Variants in CCDC69 observed in about 807,000 individuals in gnomAD.
CCDC69 encodes coiled-coil domain containing 69.
Under a neutral mutation model 40.3 loss-of-function variants are expected in CCDC69, and 38 were observed. The ratio of observed to expected loss-of-function variants is 0.94; its 90% CI spans 0.73 to 1.24. The LOEUF (loss-of-function observed/expected upper bound fraction) is 1.24, where lower values mean the gene tolerates loss of function less well. CCDC69 is among the 50% of genes most tolerant of loss of function. The pLI, the probability that CCDC69 is intolerant of heterozygous loss-of-function variation, is 0.00. For missense variants in CCDC69, 389 were observed against 357.9 expected (o/e 1.09, Z -0.70); for synonymous variants, 141 against 138.9 (o/e 1.02, Z -0.11).
chr5:151,195,072 T>G (rs1752679187), intron 4 of CCDC69, among the ~76,000 whole-genome samples: 1 of 152,162 alleles, frequency 6.6e-6, no homozygotes, highest in African/African-American at 2.4e-5. Flanking sequence ...CCTCTCCCCA[T>G]ACATATAAAA....
chr5:151,184,485 TG>T, intron 7 of CCDC69, 44 bp from the exon 8 acceptor site: 1 of 1,279,474 alleles, frequency 7.8e-7, no homozygotes, highest in Non-Finnish European at 1.1e-6. Flanking sequence ...AAACTCACGC[TG>T]CACGATGTGT....
chr5:151,189,907 G>T (rs574337860), intron 4 of CCDC69, among the ~76,000 whole-genome samples: 1 of 152,284 alleles, frequency 6.6e-6, no homozygotes, highest in Non-Finnish European at 1.5e-5. Context: ...GTTTGTTCTC[G>T]CTGATCTTTA....
Position 151,181,755 on chromosome 5 carries a change from A to G in CCDC69, c.*1682T>C, listed in dbSNP as rs1187867925. The G allele has an allele frequency of 5.9e-5, 9 of 152,258 alleles. No homozygotes were observed. Among genetic ancestry groups the G allele is most frequent in the African/African-American group, 1.7e-4 (7 of 41,454 alleles). The allele number at this position is 152,258 out of a possible 1,614,324, so 9.4% of individuals were successfully genotyped here. ...CCAATCATGTCTACTCCTGGACATTAGTTCAATAAACTAGTGTATCGCAGA... is the reference window on the plus strand; with the variant it reads ...CCAATCATGTCTACTCCTGGACATTGGTTCAATAAACTAGTGTATCGCAGA... On this transcript the variant is annotated 3_prime_UTR_variant, in exon 9 of 9. Coordinates refer to ENST00000355417, the MANE Select transcript of CCDC69 (RefSeq NM_015621.3).
At chr5:151,185,139 G>T (rs1051917825) in intron 7 of CCDC69, 1 of 289,168 alleles carries the variant, frequency 3.5e-6, no homozygotes, top group East Asian at 8.7e-5. Flanking sequence ...GGTTTCTGAG[G>T]CTTCTGTCCT....
At chr5:151,190,735 T>TA (rs1168370411) in intron 4 of CCDC69, among the ~76,000 whole-genome samples, 2 of 144,574 alleles carry the variant, frequency 1.4e-5, no homozygotes, top group Non-Finnish European at 3.0e-5. Flanking sequence ...GAGTAACCAT[T>TA]AAAAAAAATA....
chr5:151,199,401 T>C (rs1752748424), intron 3 of CCDC69, among the ~76,000 whole-genome samples: 1 of 152,180 alleles, frequency 6.6e-6, no homozygotes, highest in South Asian at 2.1e-4. Flanking sequence ...TAAGGCTTAC[T>C]GTTTCAAGTG....
At chr5:151,191,280 A>G (rs1355349228) in intron 4 of CCDC69, among the ~76,000 whole-genome samples, 1 of 152,220 alleles carries the variant, frequency 6.6e-6, no homozygotes, top group Non-Finnish European at 1.5e-5. Context: ...TATGCATTAT[A>G]ATTGGAGACT....
chr5:151,214,271 C>G (rs923653544), intron 1 of CCDC69, among the ~76,000 whole-genome samples: 4 of 152,164 alleles, frequency 2.6e-5, no homozygotes, highest in Admixed American at 6.5e-5. Context: ...GTGCTGGGAT[C>G]TAAGTAACCA....
intron 1 of CCDC69, among the ~76,000 whole-genome samples, chr5:151,217,749 G>T (rs1245785823): frequency 6.6e-6 from 1 of 152,134 alleles, no homozygotes; most frequent in Admixed American, 6.5e-5. Flanking sequence ...CACTGGATTA[G>T]GGCCCATCCA....
At chr5:151,221,926 C>T (rs1753140498) in intron 1 of CCDC69, among the ~76,000 whole-genome samples, 1 of 152,224 alleles carries the variant, frequency 6.6e-6, no homozygotes, top group South Asian at 2.1e-4. Flanking sequence ...GGAGCACAGC[C>T]TACAGGGATG....
At chr5:151,212,748 T>G in intron 1 of CCDC69, 1 of 455,946 alleles carries the variant, frequency 2.2e-6, no homozygotes, top group South Asian at 1.5e-5. Context: ...GATATTGTCT[T>G]CAAATCTCAG....
chr5:151,191,595 G>A (rs248438), intron 4 of CCDC69, among the ~76,000 whole-genome samples: 71,832 of 152,000 alleles, frequency 0.47, 17,390 homozygotes, highest in Admixed American at 0.59. Flanking sequence ...ACTTGGAAAT[G>A]CACTTCCACA....
intron 1 of CCDC69, among the ~76,000 whole-genome samples, chr5:151,214,716 C>T (rs1271935745): frequency 6.6e-6 from 1 of 152,196 alleles, no homozygotes; most frequent in African/African-American, 2.4e-5. Context: ...TGAACACCTG[C>T]AGGACCCCCA....
intron 4 of CCDC69, among the ~76,000 whole-genome samples, chr5:151,194,517 G>T (rs1363763023): frequency 2.6e-5 from 4 of 152,190 alleles, no homozygotes; most frequent in African/African-American, 9.7e-5. Context: ...GTGGGAGAAG[G>T]ATGTGAATAC....
intron 1 of CCDC69, among the ~76,000 whole-genome samples, chr5:151,206,060 C>T (rs1034354144): frequency 6.6e-6 from 1 of 152,206 alleles, no homozygotes; most frequent in South Asian, 2.1e-4. Context: ...GATAGTGTCA[C>T]AAGTCTGGGC....
At chr5:151,187,251 C>T (rs1193422673) in intron 5 of CCDC69, 135 bp downstream of exon 5, 6 of 693,274 alleles carry the variant, frequency 8.7e-6, no homozygotes, top group Non-Finnish European at 1.5e-5. Flanking sequence ...GGCCTGGATA[C>T]ACAGAAGGCA....
At chr5:151,220,519 C>T (rs1753118601) in intron 1 of CCDC69, among the ~76,000 whole-genome samples, 1 of 152,192 alleles carries the variant, frequency 6.6e-6, no homozygotes, top group African/African-American at 2.4e-5. Context: ...ATTACCCAAG[C>T]CTGCACCAGC....
Position 151,184,376 on chromosome 5 carries a change from A to G in CCDC69, c.681T>C (p.His227=), listed in dbSNP as rs1483808079. ...GGACCACCTGGTTGCGGCTTCGGAC[A>G]TGGAGGTCCTCATTTTCCTGTTGCA... The part of the protein sequence containing the change: ...TTLQQENEDL[H]VRSRNQVVLS... The change falls in exon 8 of 9, where the codon CAT becomes CAC. Residue 227 remains histidine, a synonymous_variant. Coordinates refer to ENST00000355417, the MANE Select transcript of CCDC69 (RefSeq NM_015621.3). 5.0e-6 allele frequency: 8 copies of G among 1,614,006 alleles called. No individual in the cohort carries two copies. In the African/African-American group the frequency reaches 9.3e-5, roughly 19 times the overall value.
chr5:151,199,972 G>A (rs248453), intron 3 of CCDC69, among the ~76,000 whole-genome samples: 36,845 of 152,098 alleles, frequency 0.24, 5,342 homozygotes, highest in Non-Finnish European at 0.33. Flanking sequence ...CCTGAGGGCA[G>A]GGTCTGGACC....
Sources: gnomAD v4.1 joint callset for allele counts (sites outside exome capture counted in the v4.1 genomes callset) on GRCh38, gnomAD v4.1.1 for gene constraint, MANE v1.5 for transcripts, NCBI Gene and HGNC (gene_info 2026-07-23, HGNC 2026-07-21) for gene names.